Variants in SLC1A2 observed in about 807,000 individuals in gnomAD.
SLC1A2 encodes the protein excitatory amino acid transporter 2.
SLC1A2 carries 15 observed loss-of-function variants against 48.8 expected under a neutral mutation model. The observed-to-expected ratio is 0.31, with a 90% confidence interval of 0.21 to 0.47. The LOEUF (loss-of-function observed/expected upper bound fraction) is 0.47. Ranked by LOEUF, SLC1A2 falls within the 20% of genes least tolerant of loss-of-function variation. SLC1A2 has a pLI of 0.99. For missense variants in SLC1A2, 502 were observed against 730.5 expected (o/e 0.69, Z 3.61); for synonymous variants, 279 against 272.6 (o/e 1.02, Z -0.23).
intron 6 of SLC1A2, chr11:35,297,733 T>C (rs1202151321): frequency 6.6e-6 from 1 of 152,156 alleles, no homozygotes; most frequent in Non-Finnish European, 1.5e-5. Context: ...TCTTAAAGAA[T>C]TCATGAACAC....
intron 1 of SLC1A2, among the ~76,000 whole-genome samples, chr11:35,367,468 A>T (rs1853890855): frequency 6.6e-6 from 1 of 152,208 alleles, no homozygotes; most frequent in Non-Finnish European, 1.5e-5. Flanking sequence ...TCTATGGTTC[A>T]ATGAAGACCA....
intron 1 of SLC1A2, among the ~76,000 whole-genome samples, chr11:35,411,251 G>A (rs987729231): frequency 6.6e-6 from 1 of 152,150 alleles, no homozygotes; most frequent in African/African-American, 2.4e-5. Flanking sequence ...ACCATATGTT[G>A]CATATAAATA....
chr11:35,355,329 C>T (rs566402976), intron 1 of SLC1A2, among the ~76,000 whole-genome samples: 1 of 152,332 alleles, frequency 6.6e-6, no homozygotes, highest in East Asian at 1.9e-4. Flanking sequence ...AGAGACCTGA[C>T]TTCCCTCCTC....
At chr11:35,277,414 G>A (rs1464887448) in intron 9 of SLC1A2, among the ~76,000 whole-genome samples, 1 of 148,852 alleles carries the variant, frequency 6.7e-6, no homozygotes, top group African/African-American at 2.6e-5. Context: ...ATACAGCATA[G>A]GGCACCTTAA....
At chr11:35,334,340 C>G (rs1852539917) in intron 1 of SLC1A2, among the ~76,000 whole-genome samples, 1 of 152,154 alleles carries the variant, frequency 6.6e-6, no homozygotes, top group Admixed American at 6.6e-5. Flanking sequence ...CATCATTGTA[C>G]AGATGGGAGC....
At chr11:35,294,345 C>T (rs1044948046) in intron 6 of SLC1A2, among the ~76,000 whole-genome samples, 1 of 152,164 alleles carries the variant, frequency 6.6e-6, no homozygotes, top group Non-Finnish European at 1.5e-5. Context: ...GCAGGCTGGT[C>T]AAGTCTGAGG....
intron 1 of SLC1A2, among the ~76,000 whole-genome samples, chr11:35,338,100 GC>G (rs1237906802): frequency 6.6e-6 from 1 of 152,200 alleles, no homozygotes; most frequent in Non-Finnish European, 1.5e-5. Flanking sequence ...GCAAACTACA[GC>G]CATGGGCCAA....
In SLC1A2 at chr11:35,327,704, G is replaced by A. The variant is rs181104485; in HGVS notation, c.18-10188C>T. 2.0e-5 allele frequency among the ~76,000 whole-genome samples: 3 copies of A among 152,274 alleles called. No individual in the cohort carries two copies. In the East Asian group the frequency reaches 5.8e-4, roughly 29 times the overall value. ...TAATAACATTTGTGTCATTTAAAAA[G>A]CGTTTTTGCATTCATCAAGAGTTAA... On this transcript the variant is annotated intron_variant, in intron 1 of 10. Coordinates refer to ENST00000278379, the MANE Select transcript of SLC1A2 (RefSeq NM_004171.4).
chr11:35,397,342 T>G (rs1854996278), intron 1 of SLC1A2, among the ~76,000 whole-genome samples: 1 of 142,298 alleles, frequency 7.0e-6, no homozygotes, highest in Admixed American at 7.2e-5. Context: ...TATAGATCAA[T>G]GGAACAGAAC....
intron 1 of SLC1A2, among the ~76,000 whole-genome samples, chr11:35,364,165 T>G (rs941253934): frequency 3.9e-5 from 6 of 152,156 alleles, no homozygotes; most frequent in Non-Finnish European, 8.8e-5. Flanking sequence ...CTGGAGGTGG[T>G]GTCCAGGAGC....
chr11:35,319,802 A>C (rs180973235), intron 1 of SLC1A2, among the ~76,000 whole-genome samples: 18 of 152,358 alleles, frequency 1.2e-4, no homozygotes, highest in African/African-American at 4.3e-4. Flanking sequence ...AAACAGCCAC[A>C]TCAAAGTGGC....
intron 9 of SLC1A2, among the ~76,000 whole-genome samples, chr11:35,267,693 C>T (rs10836360): frequency 0.36 from 54,185 of 151,798 alleles, 10,126 homozygotes; most frequent in South Asian, 0.53. Flanking sequence ...TACTTTCAAT[C>T]CCTCCTGGAA....
At chr11:35,404,134 T>C (rs935554702) in intron 1 of SLC1A2, among the ~76,000 whole-genome samples, 1 of 148,908 alleles carries the variant, frequency 6.7e-6, no homozygotes, top group African/African-American at 2.5e-5. Context: ...TGAAAAGAAA[T>C]ACCTGTTTTC....
At chr11:35,368,716 T>C (rs1426355852) in intron 1 of SLC1A2, among the ~76,000 whole-genome samples, 1 of 152,214 alleles carries the variant, frequency 6.6e-6, no homozygotes. Context: ...TGCCTTACAC[T>C]GAAATACAGA....
rs201734347 is a variant in SLC1A2, at chr11:35,355,107, TA to T, written c.18-37592del. Among the ~76,000 whole-genome samples the T allele has an allele frequency of 1.5e-3, 221 of 152,184 alleles. 2 individuals carry two copies. In the East Asian group the frequency reaches 0.028, roughly 19 times the overall value. On this transcript the variant is annotated intron_variant, in intron 1 of 10. Transcript: ENST00000278379. ...TTTACATAGAAATACAAACAAACAA[TA>T]GAGCATGATGTAAAAATTTGCTTGG...
chr11:35,297,938 G>A (rs956706012), intron 6 of SLC1A2: 1 of 152,174 alleles, frequency 6.6e-6, no homozygotes, highest in Non-Finnish European at 1.5e-5. Context: ...TTACACACCA[G>A]AATATCGGGG....
intron 4 of SLC1A2, 78 bp from the exon 5 acceptor site, chr11:35,306,320 A>G: frequency 8.5e-7 from 1 of 1,175,768 alleles, no homozygotes; most frequent in Non-Finnish European, 1.2e-6. Context: ...GGCTACTCAT[A>G]TATTTTAAGG....
chr11:35,321,147 A>G (rs2134928222), intron 1 of SLC1A2, among the ~76,000 whole-genome samples: 1 of 152,348 alleles, frequency 6.6e-6, no homozygotes, highest in Non-Finnish European at 1.5e-5. Flanking sequence ...TAAAACCACC[A>G]GATATTGTGA....
rs527258521 is a variant in SLC1A2 at position 35,357,252 on chromosome 11, A to G, written c.18-39736T>C. Among the ~76,000 whole-genome samples the G allele has an allele frequency of 6.7e-5, 10 of 148,342 alleles. 1 individual carries two copies. In the East Asian group the frequency reaches 1.7e-3, roughly 26 times the overall value. The stretch of plus-strand genomic sequence containing the variant: ...AGCCTGGGCAACTGAGCGAGACTCT[A>G]TATCAAAAAAAAAAAAAAAAAGTAA... On this transcript the variant is annotated intron_variant, in intron 1 of 10. Transcript: ENST00000278379.
Sources: allele counts gnomAD v4.1 joint callset (sites outside exome capture counted in the v4.1 genomes callset), GRCh38; gene constraint gnomAD v4.1.1; transcripts MANE v1.5; gene names NCBI Gene and HGNC (gene_info 2026-07-23, HGNC 2026-07-21).